SNX29: variants seen among roughly 807,000 people sequenced by gnomAD.
The protein encoded by SNX29 is sorting nexin 29, also known as sorting nexin-29.
Under a neutral mutation model 102.1 loss-of-function variants are expected in SNX29, and 78 were observed. The ratio of observed to expected loss-of-function variants is 0.76; its 90% confidence interval spans 0.64 to 0.92. The LOEUF (loss-of-function observed/expected upper bound fraction) is 0.92, where lower values mean the gene tolerates loss of function less well. Ranked by LOEUF, SNX29 falls within the 40% of genes least tolerant of loss-of-function variation. The pLI is 0.00. For missense variants in SNX29, 1,280 were observed against 1,061.7 expected (o/e 1.21, Z -2.86); for synonymous variants, 580 against 414.5 (o/e 1.40, Z -4.85).
At chr16:12,476,989 G>T (rs1040938212) in intron 18 of SNX29, among the ~76,000 whole-genome samples, 1 of 152,130 alleles carries the variant, frequency 6.6e-6, no homozygotes, top group Non-Finnish European at 1.5e-5. Context: ...TTAAAAAGTG[G>T]ATTGATGTCT....
intron 18 of SNX29, among the ~76,000 whole-genome samples, chr16:12,413,347 A>T (rs1021409848): frequency 6.6e-6 from 1 of 152,056 alleles, no homozygotes; most frequent in Non-Finnish European, 1.5e-5. Flanking sequence ...CCTTCCTGGA[A>T]ATGAAAGTGC....
chr16:12,507,344 C>T (rs1279243570), intron 19 of SNX29, among the ~76,000 whole-genome samples: 1 of 152,224 alleles, frequency 6.6e-6, no homozygotes, highest in Admixed American at 6.5e-5. Flanking sequence ...TCTGGCGTTG[C>T]TGGTATTTGT....
intron 14 of SNX29, among the ~76,000 whole-genome samples, chr16:12,222,704 G>C (rs879552040): frequency 6.6e-6 from 1 of 152,164 alleles, no homozygotes; most frequent in African/African-American, 2.4e-5. Flanking sequence ...GGGTAGCTAG[G>C]ACTACAGGCA....
chr16:11,982,937 G>A (rs990674178), intron 1 of SNX29, among the ~76,000 whole-genome samples: 11 of 151,688 alleles, frequency 7.3e-5, no homozygotes, highest in African/African-American at 2.4e-4. Context: ...TTTAATTAAC[G>A]AATATTTTTT....
chr16:12,514,912 G>A (rs538514820), intron 19 of SNX29, among the ~76,000 whole-genome samples: 2 of 143,386 alleles, frequency 1.4e-5, no homozygotes, highest in African/African-American at 5.3e-5. Context: ...GAGAGAGAAA[G>A]AAAGAGAGAA....
At chr16:12,167,141 C>T (rs1200682691) in intron 13 of SNX29, among the ~76,000 whole-genome samples, 1 of 152,240 alleles carries the variant, frequency 6.6e-6, no homozygotes, top group Non-Finnish European at 1.5e-5. Context: ...TATTGCCTTC[C>T]TGGCCATCTC....
rs531940945 is a variant in SNX29 at position 12,571,619 on chromosome 16, CA to C, written c.*2991del. ...ACAGAACAGCAGGTTCCATCTTTCA[CA>C]TCTTTTTTTCTCCCCCAGATGAAAG... On this transcript the variant is annotated 3_prime_UTR_variant, in exon 21 of 21. Transcript: ENST00000566228. The C allele has an allele frequency of 1.2e-4, 128 of 1,059,808 alleles. 1 individual carries two copies. In the African/African-American group the frequency reaches 1.9e-3, roughly 16 times the overall value. The allele number at this position is 1,059,808 out of a possible 1,614,324, so 65.7% of individuals were successfully genotyped here.
At chr16:12,413,808 A>G (rs1466609285) in intron 18 of SNX29, among the ~76,000 whole-genome samples, 2 of 152,070 alleles carry the variant, frequency 1.3e-5, no homozygotes, top group Non-Finnish European at 2.9e-5. Context: ...GAGTGGCCTT[A>G]CTCACTTACC....
intron 15 of SNX29, among the ~76,000 whole-genome samples, chr16:12,305,137 G>C (rs891271670): frequency 3.9e-5 from 6 of 152,154 alleles, no homozygotes; most frequent in African/African-American, 1.4e-4. Context: ...GAAATCTGTG[G>C]GAACTAGAAT....
rs1303346234 is a variant in SNX29, at chr16:12,573,089, A to G, written c.*4460A>G. 8.7e-6 allele frequency: 2 copies of G among 230,460 alleles called. No individual in the cohort carries two copies. The highest frequency in any genetic ancestry group is 4.4e-5 in the African/African-American group (2 of 45,116). The allele number at this position is 230,460 out of a possible 1,614,324, so 14.3% of individuals were successfully genotyped here. ...TTTTATCTCATTTCTGTGCCAAGAAAGTTCATCTTTATGTTTTTCTAATAC... is the reference window on the plus strand; with the variant it reads ...TTTTATCTCATTTCTGTGCCAAGAAGGTTCATCTTTATGTTTTTCTAATAC... On this transcript the variant is annotated 3_prime_UTR_variant, in exon 21 of 21. Transcript: ENST00000566228.
chr16:12,570,394 A>G lies in SNX29; in HGVS notation c.*1765A>G, dbSNP rs947387553. The stretch of plus-strand genomic sequence containing the variant: ...ATGGTTTATCTGAAATTCCAAGGCC[A>G]GAGTGCACATCAGCTCACATGACTG... On this transcript the variant is annotated 3_prime_UTR_variant, in exon 21 of 21. Transcript: ENST00000566228. 5.0e-5 allele frequency: 16 copies of G among 321,410 alleles called. No individual in the cohort carries two copies. Among genetic ancestry groups the G allele is most frequent in the African/African-American group, 2.8e-4 (13 of 47,054 alleles). The allele number at this position is 321,410 out of a possible 1,614,324, so 19.9% of individuals were successfully genotyped here.
intron 15 of SNX29, among the ~76,000 whole-genome samples, chr16:12,311,060 A>C (rs2080524244): frequency 6.6e-6 from 1 of 152,216 alleles, no homozygotes; most frequent in Admixed American, 6.5e-5. Flanking sequence ...ACAGTGAATA[A>C]GGTTTCTTGT....
At chr16:12,246,252 G>A (rs557864662) in intron 14 of SNX29, among the ~76,000 whole-genome samples, 3 of 152,276 alleles carry the variant, frequency 2.0e-5, no homozygotes, top group African/African-American at 7.2e-5. Flanking sequence ...CAGGCAGACA[G>A]CTCATAATTT....
intron 1 of SNX29, among the ~76,000 whole-genome samples, chr16:11,992,502 C>T (rs998365679): frequency 3.3e-5 from 5 of 150,882 alleles, no homozygotes. Context: ...CCCCTGGCAA[C>T]CACCTGTCTG....
chr16:12,544,359 A>C (rs904401579), intron 20 of SNX29, among the ~76,000 whole-genome samples: 1 of 152,130 alleles, frequency 6.6e-6, no homozygotes, highest in Non-Finnish European at 1.5e-5. Flanking sequence ...TGGAAAGGAG[A>C]AGTGATGCTG....
chr16:12,217,010 TA>T (rs2077342391), intron 14 of SNX29, among the ~76,000 whole-genome samples: 1 of 152,164 alleles, frequency 6.6e-6, no homozygotes, highest in African/African-American at 2.4e-5. Flanking sequence ...GAATGGGTAT[TA>T]GGGGACACCT....
chr16:12,422,834 C>CT lies in SNX29; in HGVS notation c.2037+19306dup, dbSNP rs577930472. Among the ~76,000 whole-genome samples the CT allele has an allele frequency of 1.4e-4, 21 of 152,356 alleles. 1 individual carries two copies. In the East Asian group the frequency reaches 4.0e-3, roughly 29 times the overall value. ...TCTGACAATTTCACTTTTGTGAAGC[C>CT]TGGCATGGAGCTGGGATTCACAGTC... On this transcript the variant is annotated intron_variant, in intron 18 of 20. Transcript: ENST00000566228.
At chr16:12,427,763 T>C (rs2085141247) in intron 18 of SNX29, among the ~76,000 whole-genome samples, 2 of 152,372 alleles carry the variant, frequency 1.3e-5, no homozygotes, top group African/African-American at 4.8e-5. Context: ...GGATTCTCTA[T>C]GTTGGCTTCT....
rs142950576 is a variant in SNX29 at position 12,052,031 on chromosome 16, C to T, written c.933C>T (p.Phe311=). Residue 311 remains phenylalanine, a synonymous_variant, in exon 8 of 21, where the codon TTC becomes TTT. Coordinates refer to ENST00000566228, the MANE Select transcript of SNX29 (RefSeq NM_032167.5). ...VNIMSAFESP[F]GPNSNGSQSS... ...TCATGTCCGCCTTTGAAAGCCCCTT[C>T]GGGCCTAACTCCAATGGAAGTCAGA... is the stretch of plus-strand genomic sequence containing the variant. 36 of 1,613,858 alleles carry T rather than the reference C, an allele frequency of 2.2e-5. No individual in the cohort carries two copies. The highest frequency in any genetic ancestry group is 1.6e-4 in the Middle Eastern group (1 of 6,078).
Sources: allele counts gnomAD v4.1 joint callset (sites outside exome capture counted in the v4.1 genomes callset), GRCh38; gene constraint gnomAD v4.1.1; transcripts MANE v1.5; gene names NCBI Gene and HGNC (gene_info 2026-07-23, HGNC 2026-07-21).